The following FGF1 variants were observed in gnomAD, a reference collection of about 807,000 sequenced individuals.
The protein encoded by FGF1 is beta-endothelial cell growth factor.
In FGF1, 9 loss-of-function variants were observed where a neutral mutation model predicts 13.4. The ratio of observed to expected loss-of-function variants is 0.67; its 90% confidence interval spans 0.40 to 1.17. The LOEUF is 1.17. FGF1 is among the 50% of genes most tolerant of loss of function. The probability of loss-of-function intolerance (pLI) is 0.01; values close to 1 mark genes in which losing one functional copy is unlikely to be tolerated. For missense variants in FGF1, 156 were observed against 192.7 expected, an observed-to-expected ratio of 0.81 and a Z score of 1.13; for synonymous variants, 93 against 79.0, an observed-to-expected ratio of 1.18 and a Z score of -0.94.
rs1378136862 is a variant in FGF1, at chr5:142,594,146, T to C, written c.*1144A>G. On this transcript the variant is annotated 3_prime_UTR_variant, in exon 4 of 4. Transcript: ENST00000337706. Reference sequence around the variant, plus strand: ...AGGGTTAGTTGAGGTCAGGTGAGGTTCGGGGCGTCGAACCACCTTCATTTG... The same window carrying C: ...AGGGTTAGTTGAGGTCAGGTGAGGTCCGGGGCGTCGAACCACCTTCATTTG... 1 of 152,102 alleles carries C rather than the reference T, an allele frequency of 6.6e-6. No individual in the cohort carries two copies. Among genetic ancestry groups the C allele is most frequent in the Non-Finnish European group, 1.5e-5 (1 of 68,030 alleles). The allele number at this position is 152,102 out of a possible 1,614,324, so 9.4% of individuals were successfully genotyped here. A position where few individuals can be genotyped will look rare whatever the true frequency, so the allele number is the denominator to read the frequency against.
chr5:142,626,062 A>G (rs564552500), intron 1 of FGF1, among the ~76,000 whole-genome samples: 63 of 152,348 alleles, frequency 4.1e-4, no homozygotes, highest in Non-Finnish European at 7.5e-4. Context: ...ACAAATAATA[A>G]TATAATGACC....
At chr5:142,608,815 G>A (rs1597094742) in intron 2 of FGF1, among the ~76,000 whole-genome samples, 1 of 134,828 alleles carries the variant, frequency 7.4e-6, no homozygotes, top group Non-Finnish European at 1.6e-5. Context: ...GTGTGTGTGT[G>A]TATTTTAAAG....
chr5:142,609,713 G>C (rs1758642691), intron 2 of FGF1, among the ~76,000 whole-genome samples: 1 of 152,226 alleles, frequency 6.6e-6, no homozygotes, highest in South Asian at 2.1e-4. Flanking sequence ...AGGAATCCCG[G>C]AAGAATGATG....
intron 2 of FGF1, among the ~76,000 whole-genome samples, chr5:142,606,285 G>A (rs1321481855): frequency 6.7e-6 from 1 of 149,410 alleles, no homozygotes; most frequent in Non-Finnish European, 1.5e-5. Context: ...AAGAAAGGTA[G>A]AATATAACAT....
rs994476961 is a variant in FGF1 at position 142,594,071 on chromosome 5, T to G, written c.*1219A>C. The stretch of plus-strand genomic sequence containing the variant: ...TGCTCCTTAGTACAGGCATAACTAT[T>G]GTCAGTGCTGCCTGAATGCTCAGGT... On this transcript the variant is annotated 3_prime_UTR_variant, in exon 4 of 4. Transcript: ENST00000337706. 2 of 152,462 alleles carry G rather than the reference T, an allele frequency of 1.3e-5. No individual in the cohort carries two copies. The highest frequency in any genetic ancestry group is 4.8e-5 in the African/African-American group (2 of 41,446). 9.4% of individuals were successfully genotyped at this position (152,462 alleles called of 1,614,324 possible).
At position 142,640,540 on chromosome 5, in the gene FGF1, G is replaced by T. The variant is rs528026875; in HGVS notation, c.-34-26379C>A. Among the ~76,000 whole-genome samples the T allele has an allele frequency of 2.0e-5, 3 of 151,862 alleles. No individual in the cohort carries two copies. The East Asian group carries it at 5.8e-4, about 29-fold the overall frequency. On this transcript the variant is annotated intron_variant, in intron 1 of 3. Coordinates refer to ENST00000337706, the MANE Select transcript of FGF1 (RefSeq NM_000800.5). ...AGCCTGTCTTGTGGGCTTGTGATGC[G>T]CATGAGCAGGGAGATGGCCTGTCTC... is the stretch of plus-strand genomic sequence containing the variant.
At chr5:142,627,803 T>C (rs1231015293) in intron 1 of FGF1, among the ~76,000 whole-genome samples, 2 of 152,224 alleles carry the variant, frequency 1.3e-5, no homozygotes, top group African/African-American at 4.8e-5. Flanking sequence ...GTAAAACTTG[T>C]TTCTTTTTGC....
chr5:142,608,251 C>T (rs1050028173), intron 2 of FGF1, among the ~76,000 whole-genome samples: 5 of 152,020 alleles, frequency 3.3e-5, no homozygotes, highest in South Asian at 4.2e-4. Flanking sequence ...GCCTGCTTTC[C>T]GCCTCTGCTC....
chr5:142,614,151 C>A lies in FGF1; in HGVS notation c.-24G>T. On this transcript the variant is annotated 5_prime_UTR_variant, in exon 2 of 4. Coordinates refer to ENST00000337706, the MANE Select transcript of FGF1 (RefSeq NM_000800.5). ...ATGGCTCAGCAGCTGCTGCTTGTGG[C>A]GCTTTCAAGACTGTAAGAAATTGAA... 1 of 1,613,314 alleles carries A rather than the reference C, an allele frequency of 6.2e-7. No homozygotes were observed. The highest frequency in any genetic ancestry group is 8.5e-7 in the Non-Finnish European group (1 of 1,179,542).
chr5:142,600,815 AAAT>A lies in FGF1; in HGVS notation c.170-13_170-11del, dbSNP rs754695231. 10 of 1,594,036 alleles carry A rather than the reference AAAT, an allele frequency of 6.3e-6. No homozygotes were observed. Among genetic ancestry groups the A allele is most frequent in the African/African-American group, 1.3e-5 (1 of 74,388 alleles). On this transcript the variant is annotated splice_polypyrimidine_tract_variant and intron_variant, in intron 2 of 3. Transcript: ENST00000337706. ...CTGAGCTGCAGCTGAACTGGAATAAAAATAACACGAGCAAAAGTAAATAAACAC... is the reference window on the plus strand; with the variant it reads ...CTGAGCTGCAGCTGAACTGGAATAAAAACACGAGCAAAAGTAAATAAACAC...
rs73279630 is a variant in FGF1 at position 142,630,667 on chromosome 5, A to G, written c.-34-16506T>C. Among the ~76,000 whole-genome samples, 732 of 152,082 alleles carry G rather than the reference A, an allele frequency of 4.8e-3. 7 individuals carry two copies. The highest frequency in any genetic ancestry group is 0.016 in the African/African-American group (679 of 41,492). ...GTACCCTTGGGTCCTTGAGCCCACTATGATCTCCTCCATATGGCTGCCTTC... is the reference window on the plus strand; with the variant it reads ...GTACCCTTGGGTCCTTGAGCCCACTGTGATCTCCTCCATATGGCTGCCTTC... On this transcript the variant is annotated intron_variant, in intron 1 of 3. Transcript: ENST00000337706.
In FGF1 at chr5:142,653,291, C is replaced by G. The variant is rs77028072; in HGVS notation, c.-35+32666G>C. On this transcript the variant is annotated intron_variant, in intron 1 of 3. Coordinates refer to ENST00000337706, the MANE Select transcript of FGF1 (RefSeq NM_000800.5). ...GGATAATTACAACAGTCACGGCAGC[C>G]GGTAGTTGCGGCACCCTCCTCTAAG... Among the ~76,000 whole-genome samples the G allele has an allele frequency of 3.3e-5, 5 of 152,256 alleles. No homozygotes were observed. In the East Asian group the frequency reaches 9.7e-4, roughly 29 times the overall value.
At chr5:142,660,251 G>C (rs1328396032) in intron 1 of FGF1, among the ~76,000 whole-genome samples, 1 of 152,220 alleles carries the variant, frequency 6.6e-6, no homozygotes, top group South Asian at 2.1e-4. Context: ...CCCTCCCTGC[G>C]GCATGGTTTT....
chr5:142,682,613 C>T (rs748295853), intron 1 of FGF1, among the ~76,000 whole-genome samples: 2 of 152,104 alleles, frequency 1.3e-5, no homozygotes, highest in Non-Finnish European at 2.9e-5. Context: ...GCTACAGAAT[C>T]TATGTACTTA....
At chr5:142,673,607 A>G (rs1160842920) in intron 1 of FGF1, among the ~76,000 whole-genome samples, 1 of 152,128 alleles carries the variant, frequency 6.6e-6, no homozygotes, top group Non-Finnish European at 1.5e-5. Context: ...TATCAAGCTA[A>G]TTTCTGGAAG....
At chr5:142,622,034 C>T (rs1394078325) in intron 1 of FGF1, among the ~76,000 whole-genome samples, 1 of 152,218 alleles carries the variant, frequency 6.6e-6, no homozygotes, top group African/African-American at 2.4e-5. Context: ...ATTACACATT[C>T]ACTCTTGTGA....
At chr5:142,616,372 A>G (rs1310387227) in intron 1 of FGF1, among the ~76,000 whole-genome samples, 1 of 152,196 alleles carries the variant, frequency 6.6e-6, no homozygotes, top group Non-Finnish European at 1.5e-5. Context: ...AATACCATAT[A>G]AACTATATTT....
chr5:142,693,962 T>C (rs1752654610), intron 2 of FGF1, among the ~76,000 whole-genome samples: 1 of 152,188 alleles, frequency 6.6e-6, no homozygotes, highest in East Asian at 1.9e-4. Context: ...TGGCTATTAT[T>C]ATACTGTTGT....
chr5:142,641,471 T>G (rs1271912103), intron 1 of FGF1, among the ~76,000 whole-genome samples: 1 of 152,032 alleles, frequency 6.6e-6, no homozygotes. Context: ...TTTATTTAAT[T>G]AGTATTTTTG....
Sources: allele counts gnomAD v4.1 joint callset (sites outside exome capture counted in the v4.1 genomes callset), GRCh38; gene constraint gnomAD v4.1.1; transcripts MANE v1.5; gene names NCBI Gene and HGNC (gene_info 2026-07-23, HGNC 2026-07-21).